Variants in SNED1 observed in about 807,000 individuals in gnomAD.
The protein encoded by SNED1 is sushi, nidogen and EGF like domains 1, also known as sushi, nidogen and EGF-like domain-containing protein 1.
In SNED1, 81 loss-of-function variants were observed where a neutral mutation model predicts 166.7. The ratio of observed to expected loss-of-function variants is 0.49; its 90% confidence interval spans 0.41 to 0.58. The LOEUF is 0.58. Among genes scored for constraint, SNED1 ranks in the 20% least tolerant of loss-of-function variants. The pLI, the probability that SNED1 is intolerant of heterozygous loss-of-function variation, is 0.00. For missense variants in SNED1, 1,604 were observed against 2,000.2 expected (o/e 0.80, Z 3.78); for synonymous variants, 762 against 822.0 (o/e 0.93, Z 1.25).
chr2:241,012,133 T>C (rs1262468168), intron 1 of SNED1, among the ~76,000 whole-genome samples: 1 of 152,002 alleles, frequency 6.6e-6, no homozygotes, highest in Non-Finnish European at 1.5e-5. Context: ...AGGAAGAGCA[T>C]GGGGGGTGCG....
Position 241,094,201 on chromosome 2 carries a change from A to G in SNED1, c.*2565A>G. 2 of 412,976 alleles carry G rather than the reference A, an allele frequency of 4.8e-6. No individual in the cohort carries two copies. Among genetic ancestry groups the G allele is most frequent in the Non-Finnish European group, 1.0e-5 (2 of 199,714 alleles). The allele number at this position is 412,976 out of a possible 1,614,324, so 25.6% of individuals were successfully genotyped here. On this transcript the variant is annotated 3_prime_UTR_variant, in exon 32 of 32. Coordinates refer to ENST00000310397, the MANE Select transcript of SNED1 (RefSeq NM_001080437.3). This position sits in a 1 kb window ranked among gnomAD's most constrained non-coding sequence, Gnocchi z 4.3. ...GCGTGTGGGCTGCCAGGTACAAGTAAGGGAATCTTTGCTGTGCCCACTGTC... is the reference window on the plus strand; with the variant it reads ...GCGTGTGGGCTGCCAGGTACAAGTAGGGGAATCTTTGCTGTGCCCACTGTC...
chr2:241,029,473 A>C (rs1179415331), intron 1 of SNED1, among the ~76,000 whole-genome samples: 4 of 152,038 alleles, frequency 2.6e-5, no homozygotes, highest in Admixed American at 2.0e-4. Flanking sequence ...TTTATTGCCT[A>C]ATCACCTTCC....
chr2:241,021,869 G>A (rs2060783557), intron 1 of SNED1, among the ~76,000 whole-genome samples: 1 of 152,180 alleles, frequency 6.6e-6, no homozygotes, highest in African/African-American at 2.4e-5. Flanking sequence ...CAAAGCAGCT[G>A]TACCATTTTA....
intron 27 of SNED1, among the ~76,000 whole-genome samples, chr2:241,078,494 C>T (rs966962488): frequency 2.6e-5 from 4 of 151,764 alleles, no homozygotes; most frequent in African/African-American, 4.9e-5. Context: ...CATGCTACAA[C>T]ATGGATGAAT....
At chr2:241,066,059 C>A (rs531051198) in intron 21 of SNED1, among the ~76,000 whole-genome samples, 1 of 152,072 alleles carries the variant, frequency 6.6e-6, no homozygotes, top group African/African-American at 2.4e-5. Context: ...GGGGAGGCAT[C>A]GGTGGCTCAA....
chr2:241,044,020 A>G (rs911977956), intron 8 of SNED1, among the ~76,000 whole-genome samples: 1 of 152,264 alleles, frequency 6.6e-6, no homozygotes, highest in African/African-American at 2.4e-5. Flanking sequence ...TAAGTAAAAG[A>G]TATACATTGT....
At chr2:241,078,445 A>G (rs1196513630) in intron 27 of SNED1, among the ~76,000 whole-genome samples, 2 of 151,806 alleles carry the variant, frequency 1.3e-5, no homozygotes, top group Admixed American at 6.6e-5. Flanking sequence ...TATCCACTCA[A>G]TGGAACACGA....
At chr2:241,010,089 G>C (rs180937684) in intron 1 of SNED1, 1 of 152,402 alleles carries the variant, frequency 6.6e-6, no homozygotes, top group Non-Finnish European at 1.5e-5. Context: ...AGGCTGTGCT[G>C]TTTCACTCTT....
At position 241,048,401 on chromosome 2, in the gene SNED1, G is replaced by A. The variant is rs2061726176; in HGVS notation, c.1360G>A (p.Glu454Lys). 1.9e-6 allele frequency: 3 copies of A among 1,611,466 alleles called. No homozygotes were observed. Among genetic ancestry groups the A allele is most frequent in the Admixed American group, 3.4e-5 (2 of 59,676 alleles). The change falls in exon 9 of 32, where the codon GAG becomes AAG. Residue 454 changes from glutamate (E) to lysine (K), a missense_variant. Transcript: ENST00000310397. Reference sequence around the variant, plus strand: ...GGATGCGGACCAGGGCTACGTGTGCGAGTGCCCCGAAGGCTTCATGGGCCT... The same window carrying A: ...GGATGCGGACCAGGGCTACGTGTGCAAGTGCCCCGAAGGCTTCATGGGCCT... ...CVDADQGYVCECPEGFMGLDC... is the reference protein window; with the variant it reads ...CVDADQGYVCKCPEGFMGLDC...
At position 241,082,293 on chromosome 2, in the gene SNED1, C is replaced by T; in HGVS notation, c.4050C>T (p.Ser1350=). The T allele has an allele frequency of 6.2e-7, 1 of 1,613,112 alleles. No homozygotes were observed. The highest frequency in any genetic ancestry group is 8.5e-7 in the Non-Finnish European group (1 of 1,179,200). ...TTGTCGCAGCCTGTATAAAGGTGTC[C>T]CGCCCCTGCACAAGGCTGTTCTCCG... is the stretch of plus-strand genomic sequence containing the variant. ...RRCELACIKV[S]RPCTRLFSET... The change falls in exon 29 of 32, where the codon TCC becomes TCT. Residue 1350 remains serine (S), a synonymous_variant. Coordinates refer to ENST00000310397, the MANE Select transcript of SNED1 (RefSeq NM_001080437.3).
At chr2:241,085,150 A>C (rs2063517435) in intron 29 of SNED1, among the ~76,000 whole-genome samples, 1 of 151,436 alleles carries the variant, frequency 6.6e-6, no homozygotes, top group South Asian at 2.1e-4. Context: ...CTGGGTTTTA[A>C]TTTTGTCAAA....
chr2:241,080,241 G>A (rs2063267378), intron 27 of SNED1, among the ~76,000 whole-genome samples: 1 of 152,060 alleles, frequency 6.6e-6, no homozygotes. Flanking sequence ...CTGAGATCGC[G>A]ACACTGCACT....
intron 1 of SNED1, among the ~76,000 whole-genome samples, chr2:241,020,140 G>A (rs888532271): frequency 4.3e-4 from 66 of 152,378 alleles, no homozygotes; most frequent in African/African-American, 1.4e-3. Context: ...CAGAGACCAC[G>A]TGTGGTCCAC....
chr2:241,028,114 CT>C (rs2061039390), intron 1 of SNED1, among the ~76,000 whole-genome samples: 2 of 151,994 alleles, frequency 1.3e-5, no homozygotes, highest in South Asian at 4.1e-4. Context: ...TGTTCAAGTC[CT>C]TTCTCATTTT....
Position 241,052,365 on chromosome 2 carries a change from C to G in SNED1, c.1980C>G (p.Pro660=). The G allele has an allele frequency of 1.3e-6, 2 of 1,575,582 alleles. No individual in the cohort carries two copies. The highest frequency in any genetic ancestry group is 1.7e-6 in the Non-Finnish European group (2 of 1,159,536). Residue 660 remains proline (P), a synonymous_variant, in exon 15 of 32, where the codon CCC becomes CCG. Coordinates refer to ENST00000310397, the MANE Select transcript of SNED1 (RefSeq NM_001080437.3). ...SGRHCEIAPS[P]CFRSPCVNGG... is the part of the protein sequence containing the mutation. ...CCTGCATTCTGGCAGCCCCCTCCCC[C>G]TGCTTCCGGAGCCCGTGTGTGAATG...
chr2:241,036,053 T>A (rs1320542634), intron 4 of SNED1, among the ~76,000 whole-genome samples: 1 of 14,454 alleles, frequency 6.9e-5, no homozygotes. Flanking sequence ...GGGGTGGAGG[T>A]GCGTCACAGG....
At chr2:241,082,205 G>T in intron 28 of SNED1, 72 bp from the exon 29 acceptor site, 2 of 1,285,232 alleles carry the variant, frequency 1.6e-6, no homozygotes, top group South Asian at 2.5e-5. Context: ...TCTCCCTTGG[G>T]CAAGGCCTCT....
Position 241,068,913 on chromosome 2 carries a change from C to A in SNED1, c.3197C>A (p.Ala1066Asp). Residue 1066 changes from alanine (A) to aspartate (D), a missense_variant and splice_region_variant, in exon 23 of 32, where the codon GCC (alanine) becomes GAC (aspartate). Ala to Asp is a moderately radical substitution (Grantham distance 126). Around this residue, in one of 2 missense-constraint regions of SNED1, gnomAD observed 1,237 missense variants for 1,620.8 expected, o/e 0.76. Transcript: ENST00000310397. The surrounding 1 kb of genome is among the most constrained non-coding windows in gnomAD (Gnocchi z 5.3). ...DRSVDRFTFR[A>D]LLPGKRYTIQ... The stretch of plus-strand genomic sequence containing the variant: ...TCTTTGTCACCTCCTGCCCACAGGG[C>A]CCTGCTGCCTGGGAAGAGGTACACC... 6.5e-7 allele frequency: 1 copy of A among 1,548,632 alleles called. No homozygotes were observed. The highest frequency in any genetic ancestry group is 1.2e-5 in the South Asian group (1 of 83,932).
At chr2:241,001,743 C>G (rs542120617) in intron 1 of SNED1, among the ~76,000 whole-genome samples, 1 of 152,286 alleles carries the variant, frequency 6.6e-6, no homozygotes, top group South Asian at 2.1e-4. Flanking sequence ...CACTGAAGCT[C>G]CTGGCTCCAA....
Sources: allele counts gnomAD v4.1 joint callset (sites outside exome capture counted in the v4.1 genomes callset), GRCh38; gene constraint gnomAD v4.1.1; regional missense constraint gnomAD v4.1.1; non-coding constraint Gnocchi (gnomAD v3.1); transcripts MANE v1.5; gene names NCBI Gene and HGNC (gene_info 2026-07-23, HGNC 2026-07-21).